NFE2: variants seen among roughly 807,000 people sequenced by gnomAD.
NFE2 encodes the protein transcription factor NF-E2 45 kDa subunit.
In NFE2, 13 loss-of-function variants were observed where a neutral mutation model predicts 25.8. That is an observed-to-expected ratio of 0.50 (90% CI 0.33 to 0.80). NFE2 has a LOEUF of 0.80. Among genes scored for constraint, NFE2 ranks in the 30% least tolerant of loss-of-function variants. The pLI, the probability that NFE2 is intolerant of heterozygous loss-of-function variation, is 0.02. For synonymous variants in NFE2, 204 were observed against 200.2 expected (o/e 1.02, Z -0.16); for missense variants, 382 against 478.9 (o/e 0.80, Z 1.89).
intron 2 of NFE2, among the ~76,000 whole-genome samples, 167 bp downstream of exon 2, chr12:54,294,968 C>T (rs34996350): frequency 5.3e-5 from 8 of 152,284 alleles, no homozygotes; most frequent in Non-Finnish European, 8.8e-5. Context: ...TCCTCCTCAA[C>T]GTTCCTCAGT....
At chr12:54,298,674 G>C (rs1415608195) in intron 1 of NFE2, among the ~76,000 whole-genome samples, 1 of 152,034 alleles carries the variant, frequency 6.6e-6, no homozygotes, top group Admixed American at 6.6e-5. Flanking sequence ...CATTCACCTG[G>C]GCTACATGTA....
At chr12:54,297,384 C>T (rs1434469115) in intron 1 of NFE2, among the ~76,000 whole-genome samples, 25 of 139,280 alleles carry the variant, frequency 1.8e-4, no homozygotes, top group African/African-American at 7.0e-4. Context: ...AAAAAAACGG[C>T]CAGGTGCAGT....
chr12:54,295,304 C>A lies in NFE2; in HGVS notation c.-56G>T. Reference sequence around the variant, plus strand: ...CGGAAAGCCCAGATGGCTCTAGAAACCTGTGTCAAAGGAAAAGAGGTGTTA... The same window carrying A: ...CGGAAAGCCCAGATGGCTCTAGAAAACTGTGTCAAAGGAAAAGAGGTGTTA... On this transcript the variant is annotated splice_region_variant and 5_prime_UTR_variant, in exon 2 of 3. Coordinates refer to ENST00000435572, the MANE Select transcript of NFE2 (RefSeq NM_001136023.3). 6.9e-7 allele frequency: 1 copy of A among 1,452,466 alleles called. No homozygotes were observed. The allele number at this position is 1,452,466 out of a possible 1,614,324, so 90.0% of individuals were successfully genotyped here.
chr12:54,298,401 G>T lies in NFE2; in HGVS notation c.-57+2400C>A, dbSNP rs749079746. Among the ~76,000 whole-genome samples the T allele has an allele frequency of 3.4e-4, 51 of 151,860 alleles. No individual in the cohort carries two copies. In the Middle Eastern group the frequency reaches 0.017, roughly 51 times the overall value. On this transcript the variant is annotated intron_variant, in intron 1 of 2. Coordinates refer to ENST00000435572, the MANE Select transcript of NFE2 (RefSeq NM_001136023.3). Reference sequence around the variant, plus strand: ...GCATGCCTGTAATCCCAGCTACTTGGGGGGATGAGGTGGGAGAATCGCTTG... The same window carrying T: ...GCATGCCTGTAATCCCAGCTACTTGTGGGGATGAGGTGGGAGAATCGCTTG...
chr12:54,296,358 C>T (rs927070634), intron 1 of NFE2, among the ~76,000 whole-genome samples: 9 of 148,648 alleles, frequency 6.1e-5, no homozygotes, highest in Non-Finnish European at 1.3e-4. Flanking sequence ...TGCAGAGAGC[C>T]GAGATCGCGC....
chr12:54,293,716 G>A (rs1023661480), intron 2 of NFE2, among the ~76,000 whole-genome samples: 69 of 152,186 alleles, frequency 4.5e-4, no homozygotes, highest in African/African-American at 1.4e-3. Context: ...GGGCATGGTG[G>A]TGAATGCCTG....
chr12:54,293,631 C>T (rs1388531313), intron 2 of NFE2, among the ~76,000 whole-genome samples: 1 of 152,094 alleles, frequency 6.6e-6, no homozygotes, highest in Non-Finnish European at 1.5e-5. Flanking sequence ...GGCAGATCAC[C>T]TGAGGTCAGG....
intron 1 of NFE2, among the ~76,000 whole-genome samples, chr12:54,299,366 T>C (rs1944402032): frequency 6.6e-6 from 1 of 152,160 alleles, no homozygotes; most frequent in South Asian, 2.1e-4. Context: ...ACTGGGGAGA[T>C]ACTGGGAAAG....
rs956590983 is a variant in NFE2, at chr12:54,300,997, A to T, written c.-253T>A. On this transcript the variant is annotated 5_prime_UTR_variant, in exon 1 of 3. It adds an upstream start codon to the 5' untranslated region. Transcript: ENST00000435572. ...GGCTGAGCTGAGCACAGGAGCCCCA[A>T]GCAGGCGCACCAGCGTCTGAAGCCC... 3.9e-4 allele frequency: 59 copies of T among 152,404 alleles called. 1 individual carries two copies. Among genetic ancestry groups the T allele is most frequent in the African/African-American group, 1.4e-3 (57 of 41,582 alleles). The allele number at this position is 152,404 out of a possible 1,614,324, so 9.4% of individuals were successfully genotyped here.
intron 1 of NFE2, among the ~76,000 whole-genome samples, chr12:54,296,916 C>T (rs1414245753): frequency 6.6e-6 from 1 of 152,132 alleles, no homozygotes; most frequent in Non-Finnish European, 1.5e-5. Context: ...CATGCTACCT[C>T]CCTATTCCCT....
At chr12:54,297,162 C>T (rs1944379219) in intron 1 of NFE2, among the ~76,000 whole-genome samples, 1 of 151,858 alleles carries the variant, frequency 6.6e-6, no homozygotes, top group Non-Finnish European at 1.5e-5. Context: ...TGAGATCAGC[C>T]TGAGAAACAC....
In NFE2 at chr12:54,295,120, T is replaced by TC. The variant is rs1490095096; in HGVS notation, c.114+14dup. On this transcript the variant is annotated intron_variant, in intron 2 of 2. Transcript: ENST00000435572. ...CCGACACACGGCCTCCCCTGCCCTA[T>TC]CCCCCCTTACTCACCTGCAGCTCGG... 6 of 1,607,232 alleles carry TC rather than the reference T, an allele frequency of 3.7e-6. No homozygotes were observed. The highest frequency in any genetic ancestry group is 4.3e-6 in the Non-Finnish European group (5 of 1,174,220).
rs751582091 is a variant in NFE2 at position 54,295,280 on chromosome 12, G to A, written c.-32C>T. ...GGGCCAGAGTCTGGTCCAGGTTCCCGGAAAGCCCAGATGGCTCTAGAAACC... is the reference window on the plus strand; with the variant it reads ...GGGCCAGAGTCTGGTCCAGGTTCCCAGAAAGCCCAGATGGCTCTAGAAACC... On this transcript the variant is annotated 5_prime_UTR_variant, in exon 2 of 3. Transcript: ENST00000435572. 2.7e-5 allele frequency: 42 copies of A among 1,581,332 alleles called. No individual in the cohort carries two copies. Among genetic ancestry groups the A allele is most frequent in the Admixed American group, 2.2e-4 (13 of 59,860 alleles).
intron 1 of NFE2, chr12:54,300,293 G>A (rs1490950485): frequency 6.6e-6 from 1 of 152,388 alleles, no homozygotes; most frequent in Non-Finnish European, 1.5e-5. Flanking sequence ...ACAGAGAAGA[G>A]AAAGGGCAAA....
chr12:54,292,515 TG>T lies in NFE2; in HGVS notation c.980del (p.Thr327LysfsTer65). On this transcript the variant is annotated frameshift_variant, in exon 3 of 3. Coordinates refer to ENST00000435572, the MANE Select transcript of NFE2 (RefSeq NM_001136023.3). LOFTEE classifies it high-confidence loss of function. ...GCTGGAAAATGTCACGGTACAGCTC[TG>T]TCAGCTGTTGGCGCATGACCTCCAG... ...RTLEVMRQQL[T>X]ELYRDIFQHL... The T allele has an allele frequency of 6.2e-7, 1 of 1,614,214 alleles. No individual in the cohort carries two copies. Among genetic ancestry groups the T allele is most frequent in the Non-Finnish European group, 8.5e-7 (1 of 1,180,034 alleles).
chr12:54,292,518 C>T lies in NFE2; in HGVS notation c.978G>A (p.Leu326=). The change falls in exon 3 of 3, where the codon CTG becomes CTA. Residue 326 remains leucine (L), a synonymous_variant. Coordinates refer to ENST00000435572, the MANE Select transcript of NFE2 (RefSeq NM_001136023.3). ...DRTLEVMRQQ[L]TELYRDIFQH... ...GGAAAATGTCACGGTACAGCTCTGT[C>T]AGCTGTTGGCGCATGACCTCCAGGG... The T allele has an allele frequency of 1.9e-6, 3 of 1,614,200 alleles. No individual in the cohort carries two copies. Among genetic ancestry groups the T allele is most frequent in the Non-Finnish European group, 2.5e-6 (3 of 1,180,042 alleles).
rs192098045 is a variant in NFE2 at position 54,299,057 on chromosome 12, A to G, written c.-57+1744T>C. On this transcript the variant is annotated intron_variant, in intron 1 of 2. Transcript: ENST00000435572. ...CAGAGTAAGACTCTGTCTCAAAAAAAAAAAAAAAGAAGGGGAGCAAGGGGA... is the reference window on the plus strand; with the variant it reads ...CAGAGTAAGACTCTGTCTCAAAAAAGAAAAAAAAGAAGGGGAGCAAGGGGA... 2.1e-3 allele frequency among the ~76,000 whole-genome samples: 316 copies of G among 152,130 alleles called. 4 individuals carry two copies. Among genetic ancestry groups the G allele is most frequent in the Admixed American group, 0.015 (222 of 15,270 alleles).
chr12:54,295,331 A>C, intron 1 of NFE2, 27 bp from the exon 2 acceptor site: 1 of 1,105,284 alleles, frequency 9.0e-7, no homozygotes, highest in African/African-American at 1.5e-5. Context: ...GAGGTGTTAG[A>C]GCTACACCTG....
chr12:54,292,994 GC>G lies in NFE2; in HGVS notation c.501del (p.Arg168GlyfsTer6). Reference sequence around the variant, plus strand: ...TACATCTCTACATATTCGCTGCGCCGCCGACCAGCCTCTGTCCCCTCCAGCT... The same window carrying G: ...TACATCTCTACATATTCGCTGCGCCGCGACCAGCCTCTGTCCCCTCCAGCT... ...SLELEGTEAG[R>X]RRSEYVEMYP... On this transcript the variant is annotated frameshift_variant, in exon 3 of 3. Transcript: ENST00000435572. LOFTEE classifies it high-confidence loss of function. The G allele has an allele frequency of 6.5e-7, 1 of 1,541,726 alleles. No individual in the cohort carries two copies. The highest frequency in any genetic ancestry group is 1.4e-5 in the African/African-American group (1 of 72,988).
Sources: allele counts gnomAD v4.1 joint callset (sites outside exome capture counted in the v4.1 genomes callset), GRCh38; gene constraint gnomAD v4.1.1; transcripts MANE v1.5; gene names NCBI Gene and HGNC (gene_info 2026-07-23, HGNC 2026-07-21).